TSHZ2: variants seen among roughly 807,000 people sequenced by gnomAD.
TSHZ2 encodes the protein teashirt zinc finger homeobox 2, also known as teashirt homolog 2.
TSHZ2 carries 21 observed loss-of-function variants against 74.4 expected under a neutral mutation model. The observed-to-expected ratio is 0.28, with a 90% confidence interval of 0.20 to 0.41. The LOEUF (loss-of-function observed/expected upper bound fraction) is 0.41. TSHZ2 is among the 10% of genes least tolerant of loss of function. TSHZ2 has a pLI of 1.00. For missense variants in TSHZ2, 1,244 were observed against 1,293.5 expected, an observed-to-expected ratio of 0.96 and a Z score of 0.59; for synonymous variants, 540 against 515.3, an observed-to-expected ratio of 1.05 and a Z score of -0.65.
At chr20:53,089,384 G>T (rs1985806199) in intron 1 of TSHZ2, among the ~76,000 whole-genome samples, 1 of 137,896 alleles carries the variant, frequency 7.3e-6, no homozygotes. Flanking sequence ...CAAAGAAGTT[G>T]TAAAGGGAAT....
Position 53,408,640 on chromosome 20 carries a change from T to C in TSHZ2, c.*9-78504T>C, listed in dbSNP as rs543936671. ...AGTTGGGAGGAAAGGGGCCAAACCG[T>C]TGGGCTCCTATTCGTCTTCAGCATT... On this transcript the variant is annotated intron_variant, in intron 2 of 2. Coordinates refer to ENST00000371497, the MANE Select transcript of TSHZ2 (RefSeq NM_173485.6). 3.9e-5 allele frequency among the ~76,000 whole-genome samples: 6 copies of C among 152,254 alleles called. No homozygotes were observed. In the East Asian group the frequency reaches 1.2e-3, roughly 29 times the overall value.
chr20:53,000,603 A>G (rs1482464775), intron 1 of TSHZ2, among the ~76,000 whole-genome samples: 1 of 152,238 alleles, frequency 6.6e-6, no homozygotes, highest in African/African-American at 2.4e-5. Flanking sequence ...CAGTATGGAG[A>G]TAAAACAGAA....
intron 1 of TSHZ2, among the ~76,000 whole-genome samples, chr20:53,222,525 C>T (rs910994286): frequency 1.3e-5 from 2 of 152,174 alleles, no homozygotes; most frequent in African/African-American, 2.4e-5. Flanking sequence ...TCATGCCCTT[C>T]GCAAAGTCTG....
chr20:53,124,262 T>A lies in TSHZ2; in HGVS notation c.41-129237T>A, dbSNP rs558160785. Among the ~76,000 whole-genome samples, 4 of 152,356 alleles carry A rather than the reference T, an allele frequency of 2.6e-5. No homozygotes were observed. The East Asian group carries it at 7.7e-4, about 29-fold the overall frequency. ...CTTAACTGTACTCTTTTCCAATGGG[T>A]TTGAACCCCCCTGCATGTCTGCAAT... is the stretch of plus-strand genomic sequence containing the variant. On this transcript the variant is annotated intron_variant, in intron 1 of 2. Transcript: ENST00000371497.
chr20:53,027,258 A>G (rs1310557210), intron 1 of TSHZ2, among the ~76,000 whole-genome samples: 1 of 152,180 alleles, frequency 6.6e-6, no homozygotes, highest in Admixed American at 6.5e-5. Context: ...ATGCATATGT[A>G]TTTATACATG....
chr20:53,025,420 T>C (rs1481320104), intron 1 of TSHZ2, among the ~76,000 whole-genome samples: 1 of 152,170 alleles, frequency 6.6e-6, no homozygotes, highest in Non-Finnish European at 1.5e-5. Context: ...CAAAAATGCA[T>C]GAGTTCAAGT....
At chr20:53,180,780 T>G (rs984565416) in intron 1 of TSHZ2, among the ~76,000 whole-genome samples, 1 of 152,116 alleles carries the variant, frequency 6.6e-6, no homozygotes, top group African/African-American at 2.4e-5. Context: ...TTAAAAAAAT[T>G]ATAAAATAAA....
chr20:53,169,135 G>C (rs551007345), intron 1 of TSHZ2, among the ~76,000 whole-genome samples: 1 of 152,268 alleles, frequency 6.6e-6, no homozygotes, highest in East Asian at 1.9e-4. Flanking sequence ...GGGATGGATA[G>C]GTATCTAGGA....
rs539085823 is a variant in TSHZ2, at chr20:53,107,545, T to G, written c.40+134212T>G. On this transcript the variant is annotated intron_variant, in intron 1 of 2. Coordinates refer to ENST00000371497, the MANE Select transcript of TSHZ2 (RefSeq NM_173485.6). ...TTTCTTGTAGCATATTTTCATTGAC[T>G]ACATTTTCTGAGCCAAAATCAGGAC... Among the ~76,000 whole-genome samples, 12 of 152,332 alleles carry G rather than the reference T, an allele frequency of 7.9e-5. No homozygotes were observed. The South Asian group carries it at 2.5e-3, about 32-fold the overall frequency.
At position 53,255,244 on chromosome 20, in the gene TSHZ2, C is replaced by T; in HGVS notation, c.1786C>T (p.Pro596Ser). ...PLVSMPTHLA[P>S]YTQVKKESED... The stretch of plus-strand genomic sequence containing the variant: ...GGTTTCTATGCCCACACACCTGGCC[C>T]CTTACACTCAAGTCAAGAAAGAGTC... The change falls in exon 2 of 3, where the codon CCT becomes TCT. Residue 596 changes from proline to serine, a missense_variant. Physicochemically the swap from Pro to Ser is moderately conservative, Grantham distance 74. Transcript: ENST00000371497. The surrounding 1 kb of genome is among the most constrained non-coding windows in gnomAD (Gnocchi z 4.1). 6.2e-7 allele frequency: 1 copy of T among 1,614,186 alleles called. No homozygotes were observed. Among genetic ancestry groups the T allele is most frequent in the Non-Finnish European group, 8.5e-7 (1 of 1,180,026 alleles).
At chr20:53,229,982 AG>A (rs1989783895) in intron 1 of TSHZ2, among the ~76,000 whole-genome samples, 1 of 148,092 alleles carries the variant, frequency 6.8e-6, no homozygotes, top group Non-Finnish European at 1.5e-5. Flanking sequence ...GAGAAAGAAA[AG>A]AAAGAGGAAG....
chr20:53,243,176 G>A (rs1296858546), intron 1 of TSHZ2, among the ~76,000 whole-genome samples: 2 of 152,088 alleles, frequency 1.3e-5, no homozygotes, highest in Non-Finnish European at 2.9e-5. Context: ...GGGAAAGGGG[G>A]AATCTTTTAT....
chr20:53,288,967 C>T (rs1242259676), intron 2 of TSHZ2, among the ~76,000 whole-genome samples: 2 of 152,026 alleles, frequency 1.3e-5, no homozygotes, highest in Admixed American at 6.6e-5. Flanking sequence ...CCCTCACCAC[C>T]CCCCACCCTT....
In TSHZ2 at chr20:53,469,589, G is replaced by T. The variant is rs1164441156; in HGVS notation, c.*9-17555G>T. ...GGAAGGAAGGAAGGAAGGAAGGAAGGAAGGAAGGACCCAAGAAAGATAGAT... is the reference window on the plus strand; with the variant it reads ...GGAAGGAAGGAAGGAAGGAAGGAAGTAAGGAAGGACCCAAGAAAGATAGAT... On this transcript the variant is annotated intron_variant, in intron 2 of 2. Transcript: ENST00000371497. Among the ~76,000 whole-genome samples, 2 of 57,712 alleles carry T rather than the reference G, an allele frequency of 3.5e-5. 1 individual carries two copies. The highest frequency in any genetic ancestry group is 1.3e-3 in the East Asian group (2 of 1,558). 37.9% of individuals were successfully genotyped at this position (57,712 alleles called of 152,430 possible).
At position 53,244,067 on chromosome 20, in the gene TSHZ2, C is replaced by T. The variant is rs73272881; in HGVS notation, c.41-9432C>T. On this transcript the variant is annotated intron_variant, in intron 1 of 2. Transcript: ENST00000371497. ...CCAGGCAAAAAGGAAACAAGATCAC[C>T]TTCTAGCTCTGTGGGATGGCTGTGC... Among the ~76,000 whole-genome samples, 510 of 152,204 alleles carry T rather than the reference C, an allele frequency of 3.4e-3. 1 individual carries two copies. The highest frequency in any genetic ancestry group is 0.012 in the African/African-American group (481 of 41,532).
At chr20:52,981,496 A>AG (rs1383610033) in intron 1 of TSHZ2, among the ~76,000 whole-genome samples, 1 of 152,214 alleles carries the variant, frequency 6.6e-6, no homozygotes, top group Non-Finnish European at 1.5e-5. Flanking sequence ...CAGGGATACG[A>AG]GGGAATAGTG....
intron 2 of TSHZ2, among the ~76,000 whole-genome samples, chr20:53,308,625 C>T (rs750493809): frequency 3.3e-5 from 5 of 152,100 alleles, no homozygotes; most frequent in South Asian, 4.2e-4. Context: ...TTGAAAAATA[C>T]GTATTTAGCC....
At chr20:53,004,482 C>T (rs187305297) in intron 1 of TSHZ2, among the ~76,000 whole-genome samples, 110 of 152,276 alleles carry the variant, frequency 7.2e-4, no homozygotes, top group Non-Finnish European at 9.4e-4. Flanking sequence ...CAGGCGTTGC[C>T]CCGCCACCTC....
At chr20:53,027,496 G>A (rs1391649089) in intron 1 of TSHZ2, among the ~76,000 whole-genome samples, 1 of 152,246 alleles carries the variant, frequency 6.6e-6, no homozygotes, top group Non-Finnish European at 1.5e-5. Flanking sequence ...AGTGGAGAGG[G>A]GAAGGGATGG....
Sources: allele counts gnomAD v4.1 joint callset (sites outside exome capture counted in the v4.1 genomes callset), GRCh38; gene constraint gnomAD v4.1.1; non-coding constraint Gnocchi (gnomAD v3.1); transcripts MANE v1.5; gene names NCBI Gene and HGNC (gene_info 2026-07-23, HGNC 2026-07-21).